TENM3: variants seen among roughly 807,000 people sequenced by gnomAD.
TENM3 encodes the protein teneurin-3.
TENM3 carries 63 observed loss-of-function variants against 255.1 expected under a neutral mutation model. The observed-to-expected ratio is 0.25, with a 90% CI of 0.20 to 0.30. The LOEUF (loss-of-function observed/expected upper bound fraction) is 0.30. Among genes scored for constraint, TENM3 ranks in the 10% least tolerant of loss-of-function variants. The pLI is 1.00. For synonymous variants in TENM3, 1,306 were observed against 1,322.3 expected, an observed-to-expected ratio of 0.99 and a Z score of 0.27; for missense variants, 2,929 against 3,461.1, an observed-to-expected ratio of 0.85 and a Z score of 3.86.
At chr4:182,228,631 G>A (rs1024120077) in intron 1 of TENM3, among the ~76,000 whole-genome samples, 20 of 152,028 alleles carry the variant, frequency 1.3e-4, no homozygotes, top group African/African-American at 4.6e-4. Context: ...TAGTTATCAG[G>A]TGTCTCTTCA....
chr4:182,107,000 C>T, the TENM3 span, among the ~76,000 whole-genome samples: 1 of 152,080 alleles, frequency 6.6e-6, no homozygotes, highest in East Asian at 1.9e-4. Context: ...TGCTTACCTC[C>T]CGTCAAATGC....
chr4:182,376,176 G>A (rs544996038), intron 3 of TENM3, among the ~76,000 whole-genome samples: 70 of 152,234 alleles, frequency 4.6e-4, no homozygotes, highest in Non-Finnish European at 9.3e-4. Flanking sequence ...CATTTGGCAC[G>A]CTTTTGGAAT....
chr4:182,344,450 G>C (rs908191948), intron 2 of TENM3, among the ~76,000 whole-genome samples: 2 of 151,942 alleles, frequency 1.3e-5, no homozygotes, highest in Non-Finnish European at 2.9e-5. Context: ...CAATTCATAG[G>C]GATGATGTGT....
chr4:181,842,432 T>C, the TENM3 span, among the ~76,000 whole-genome samples: 15 of 152,236 alleles, frequency 9.9e-5, no homozygotes, highest in African/African-American at 2.7e-4. Flanking sequence ...AGCTTTTAAA[T>C]TGGCATGACT....
chr4:182,509,470 C>G (rs12331775), intron 3 of TENM3, among the ~76,000 whole-genome samples: 1,688 of 152,226 alleles, frequency 0.011, 32 homozygotes, highest in African/African-American at 0.039. Context: ...ATACAAATCA[C>G]TGAGAATATT....
chr4:182,278,827 G>T (rs982474935), intron 1 of TENM3, among the ~76,000 whole-genome samples: 2 of 152,154 alleles, frequency 1.3e-5, no homozygotes, highest in South Asian at 4.2e-4. Context: ...GCTAGTGTAG[G>T]TTTGGGGATA....
intron 6 of TENM3, among the ~76,000 whole-genome samples, chr4:182,662,277 T>C (rs1754289160): frequency 6.6e-6 from 1 of 152,176 alleles, no homozygotes; most frequent in South Asian, 2.1e-4. Flanking sequence ...TTGTGACACA[T>C]ACTTACTGAT....
At chr4:181,507,626 T>C in the TENM3 span, among the ~76,000 whole-genome samples, 2 of 152,230 alleles carry the variant, frequency 1.3e-5, no homozygotes, top group African/African-American at 4.8e-5. Flanking sequence ...CACACACGCA[T>C]GCATTTTTTA....
chr4:181,525,274 G>C, the TENM3 span, among the ~76,000 whole-genome samples: 2 of 151,858 alleles, frequency 1.3e-5, no homozygotes, highest in African/African-American at 4.8e-5. Context: ...AGCCAGGTGT[G>C]GTAGCAGACA....
chr4:181,817,034 A>T, the TENM3 span, among the ~76,000 whole-genome samples: 1 of 152,342 alleles, frequency 6.6e-6, no homozygotes, highest in South Asian at 2.1e-4. Context: ...TGTATGTCAC[A>T]GTTGGCTTTG....
intron 22 of TENM3, among the ~76,000 whole-genome samples, chr4:182,765,814 A>G (rs866007212): frequency 7.2e-5 from 11 of 152,182 alleles, no homozygotes; most frequent in African/African-American, 2.4e-4. Context: ...CCTATTCACA[A>G]GAAAATATGT....
chr4:181,679,998 G>A, the TENM3 span, among the ~76,000 whole-genome samples: 1 of 152,082 alleles, frequency 6.6e-6, no homozygotes, highest in Admixed American at 6.6e-5. Flanking sequence ...TCATGATCAA[G>A]TCTAATCAAT....
chr4:181,826,057 C>A, the TENM3 span, among the ~76,000 whole-genome samples: 1 of 151,912 alleles, frequency 6.6e-6, no homozygotes, highest in Non-Finnish European at 1.5e-5. Flanking sequence ...GAACGTGAAT[C>A]TTTTTTTTAT....
intron 12 of TENM3, among the ~76,000 whole-genome samples, chr4:182,701,509 T>A (rs13126417): frequency 1.3e-5 from 2 of 151,724 alleles, no homozygotes; most frequent in Admixed American, 6.6e-5. Context: ...CGTGAGCCAC[T>A]GCACCTGGCC....
intron 3 of TENM3, among the ~76,000 whole-genome samples, chr4:182,552,109 T>C (rs535064114): frequency 6.6e-6 from 1 of 152,248 alleles, no homozygotes; most frequent in African/African-American, 2.4e-5. Flanking sequence ...GCAGCAACTT[T>C]TCTAGAGTTA....
At chr4:182,722,019 A>G (rs963203369) in intron 13 of TENM3, among the ~76,000 whole-genome samples, 1 of 151,974 alleles carries the variant, frequency 6.6e-6, no homozygotes, top group African/African-American at 2.4e-5. Flanking sequence ...TAACTTTGTA[A>G]TTTATGGTGC....
intron 3 of TENM3, among the ~76,000 whole-genome samples, chr4:182,513,245 C>T (rs62337223): frequency 0.021 from 3,234 of 152,062 alleles, 37 homozygotes; most frequent in Middle Eastern, 0.041. Flanking sequence ...AAACCATATT[C>T]GTACGGTGAA....
the TENM3 span, among the ~76,000 whole-genome samples, chr4:181,546,916 C>A: frequency 6.6e-6 from 1 of 151,934 alleles, no homozygotes; most frequent in Non-Finnish European, 1.5e-5. Context: ...GGAAGGGATG[C>A]TTATTCCTGC....
chr4:181,803,521 C>T, the TENM3 span, among the ~76,000 whole-genome samples: 2 of 152,156 alleles, frequency 1.3e-5, no homozygotes, highest in Non-Finnish European at 2.9e-5. Context: ...GCTCAACATA[C>T]TATTGTTGAT....
Sources: allele counts gnomAD v4.1 joint callset (sites outside exome capture counted in the v4.1 genomes callset), GRCh38; gene constraint gnomAD v4.1.1; transcripts MANE v1.5; gene names NCBI Gene and HGNC (gene_info 2026-07-23, HGNC 2026-07-21).